The following KIRREL3 variants were observed in gnomAD, a reference collection of about 807,000 sequenced individuals.
The protein encoded by KIRREL3 is kirre like nephrin family adhesion molecule 3, also known as kin of IRRE-like protein 3.
In KIRREL3, 36 loss-of-function variants were observed where a neutral mutation model predicts 89.7. The observed-to-expected ratio is 0.40, with a 90% CI of 0.31 to 0.53. KIRREL3 has a LOEUF of 0.53. KIRREL3 is among the 20% of genes least tolerant of loss of function. KIRREL3 has a pLI of 0.49. For missense variants in KIRREL3, 864 were observed against 1,056.6 expected (o/e 0.82, Z 2.53); for synonymous variants, 445 against 441.4 (o/e 1.01, Z -0.10).
At chr11:126,714,440 C>A (rs145547813) in intron 1 of KIRREL3, among the ~76,000 whole-genome samples, 1 of 152,200 alleles carries the variant, frequency 6.6e-6, no homozygotes, top group Admixed American at 6.5e-5. Context: ...CTAATGCCTG[C>A]GATTCTCTGT....
rs185106672 is a variant in KIRREL3 at position 126,904,817 on chromosome 11, C to T, written c.55+95638G>A. On this transcript the variant is annotated intron_variant, in intron 1 of 16. Transcript: ENST00000525144. This position sits in a 1 kb window ranked among gnomAD's most constrained non-coding sequence, Gnocchi z 4.4. ...CTCTTTGCGTCTGTAAGCATCAATG[C>T]TATTCCTCAGAGACATTAAGATCCC... Among the ~76,000 whole-genome samples, 183 of 152,270 alleles carry T rather than the reference C, an allele frequency of 1.2e-3. No homozygotes were observed. The highest frequency in any genetic ancestry group is 2.1e-3 in the Non-Finnish European group (143 of 68,020).
At chr11:126,767,603 C>G (rs1949866521) in intron 1 of KIRREL3, among the ~76,000 whole-genome samples, 1 of 151,932 alleles carries the variant, frequency 6.6e-6, no homozygotes, top group Non-Finnish European at 1.5e-5. Flanking sequence ...ATATGTGAAG[C>G]ACCTTGCCCA....
Position 126,996,984 on chromosome 11 carries a change from C to A in KIRREL3, c.55+3471G>T, listed in dbSNP as rs79160952. On this transcript the variant is annotated intron_variant, in intron 1 of 16. Coordinates refer to ENST00000525144, the MANE Select transcript of KIRREL3 (RefSeq NM_032531.4). The surrounding 1 kb of genome is among the most constrained non-coding windows in gnomAD (Gnocchi z 4.7). ...AAGAGCGAGTGTCTGGAGTAGAAGGCGCCAAGTTCTTGCCACTGTGGCTCC... is the reference window on the plus strand; with the variant it reads ...AAGAGCGAGTGTCTGGAGTAGAAGGAGCCAAGTTCTTGCCACTGTGGCTCC... 3.4e-3 allele frequency among the ~76,000 whole-genome samples: 512 copies of A among 152,124 alleles called. 5 individuals carry two copies. Among genetic ancestry groups the A allele is most frequent in the African/African-American group, 0.012 (482 of 41,516 alleles).
intron 1 of KIRREL3, among the ~76,000 whole-genome samples, chr11:126,937,851 A>G (rs1948270633): frequency 6.6e-6 from 1 of 152,166 alleles, no homozygotes; most frequent in African/African-American, 2.4e-5. Flanking sequence ...GTGAGCAGGA[A>G]TTGCACCACT....
Position 126,783,898 on chromosome 11 carries a change from AG to A in KIRREL3, c.55+216556del, listed in dbSNP as rs1950402167. 6.6e-6 allele frequency among the ~76,000 whole-genome samples: 1 copy of A among 152,250 alleles called. No homozygotes were observed. Among genetic ancestry groups the A allele is most frequent in the Non-Finnish European group, 1.5e-5 (1 of 68,044 alleles). ...CCAGGTGAGCAAGGTTGGCAGCAAC[AG>A]TGATGTGCCATGTTGATAGCACACA... On this transcript the variant is annotated intron_variant, in intron 1 of 16. Transcript: ENST00000525144. The surrounding 1 kb of genome is among the most constrained non-coding windows in gnomAD (Gnocchi z 4.3).
chr11:126,438,823 C>T (rs540318301), intron 11 of KIRREL3, among the ~76,000 whole-genome samples: 43 of 152,298 alleles, frequency 2.8e-4, no homozygotes, highest in African/African-American at 1.0e-3. Context: ...TCTTAGTTAA[C>T]AGGATGACAG....
chr11:126,442,066 T>C (rs1734976784), intron 10 of KIRREL3, among the ~76,000 whole-genome samples: 1 of 145,106 alleles, frequency 6.9e-6, no homozygotes, highest in African/African-American at 2.6e-5. Flanking sequence ...AGGTCAGGAG[T>C]TCAAGACCAG....
intron 1 of KIRREL3, among the ~76,000 whole-genome samples, chr11:126,688,048 C>T (rs996460693): frequency 4.6e-5 from 7 of 152,240 alleles, no homozygotes; most frequent in South Asian, 2.1e-4. Context: ...TCTTTAGGAA[C>T]GACTCCTGCC....
intron 1 of KIRREL3, among the ~76,000 whole-genome samples, chr11:126,634,663 TACCTGCTGTGTGC>T (rs1944190237): frequency 6.6e-6 from 1 of 152,226 alleles, no homozygotes; most frequent in Non-Finnish European, 1.5e-5. Flanking sequence ...AGGTCCCTTG[TACCTGCTGTGTGC>T]ACCTGGCAAA....
Position 126,609,100 on chromosome 11 carries a change from T to A in KIRREL3, c.56-46188A>T, listed in dbSNP as rs1019042416. 7.9e-5 allele frequency among the ~76,000 whole-genome samples: 12 copies of A among 152,190 alleles called. No homozygotes were observed. Among genetic ancestry groups the A allele is most frequent in the Admixed American group, 6.5e-4 (10 of 15,286 alleles). ...CTGCCCACTCAACTCTGCATGGAAT[T>A]GTGCTGAATTGAGGAGCACTGCAGC... is the stretch of plus-strand genomic sequence containing the variant. On this transcript the variant is annotated intron_variant, in intron 1 of 16. Coordinates refer to ENST00000525144, the MANE Select transcript of KIRREL3 (RefSeq NM_032531.4). This position sits in a 1 kb window ranked among gnomAD's most constrained non-coding sequence, Gnocchi z 5.0.
At chr11:126,804,865 G>A (rs978723970) in intron 1 of KIRREL3, among the ~76,000 whole-genome samples, 4 of 152,114 alleles carry the variant, frequency 2.6e-5, no homozygotes, top group Non-Finnish European at 4.4e-5. Flanking sequence ...GTTTTCAAAG[G>A]CACCACTGAT....
chr11:126,963,368 A>G (rs1949157116), intron 1 of KIRREL3, among the ~76,000 whole-genome samples: 1 of 151,926 alleles, frequency 6.6e-6, no homozygotes, highest in East Asian at 1.9e-4. Flanking sequence ...CAGATTCTTG[A>G]AAGTTTGGAA....
chr11:126,690,946 G>A (rs534064637), intron 1 of KIRREL3, among the ~76,000 whole-genome samples: 2 of 152,236 alleles, frequency 1.3e-5, no homozygotes, highest in African/African-American at 4.8e-5. Flanking sequence ...AACTTGCCTT[G>A]GTTTCTAACT....
At chr11:126,727,141 C>T (rs1375878424) in intron 1 of KIRREL3, among the ~76,000 whole-genome samples, 4 of 152,224 alleles carry the variant, frequency 2.6e-5, no homozygotes, top group Admixed American at 1.3e-4. Context: ...AAAACCACTC[C>T]ATCCATGTTC....
chr11:126,789,307 C>T (rs1473023486), intron 1 of KIRREL3, among the ~76,000 whole-genome samples: 2 of 152,150 alleles, frequency 1.3e-5, no homozygotes, highest in African/African-American at 4.8e-5. Flanking sequence ...GACTCCCTCC[C>T]TCACTCAGTC....
rs1223282120 is a variant in KIRREL3 at position 126,562,131 on chromosome 11, G to A, written c.133+704C>T. ...GACAAATAGTCTGTGGCATCTGATG[G>A]AGAGGGTTATTAGCTGCATGGAGAC... is the stretch of plus-strand genomic sequence containing the variant. On this transcript the variant is annotated intron_variant, in intron 2 of 16. Transcript: ENST00000525144. This position sits in a 1 kb window ranked among gnomAD's most constrained non-coding sequence, Gnocchi z 4.7. 6.6e-6 allele frequency among the ~76,000 whole-genome samples: 1 copy of A among 152,202 alleles called. No homozygotes were observed. Among genetic ancestry groups the A allele is most frequent in the Non-Finnish European group, 1.5e-5 (1 of 68,036 alleles).
At chr11:126,493,451 C>T (rs34935237) in intron 4 of KIRREL3, among the ~76,000 whole-genome samples, 2,899 of 150,630 alleles carry the variant, frequency 0.019, 101 homozygotes, top group African/African-American at 0.067. Context: ...GTCAGGAGAT[C>T]GAGACCACCC....
chr11:126,780,595 G>A lies in KIRREL3; in HGVS notation c.56-217683C>T, dbSNP rs1950299274. The stretch of plus-strand genomic sequence containing the variant: ...CTCTTGACAGAACATCAAGCTTGGG[G>A]GATGTCCCATGCAAAGGTAAACGAG... On this transcript the variant is annotated intron_variant, in intron 1 of 16. Coordinates refer to ENST00000525144, the MANE Select transcript of KIRREL3 (RefSeq NM_032531.4). The surrounding 1 kb of genome is among the most constrained non-coding windows in gnomAD (Gnocchi z 5.3). Among the ~76,000 whole-genome samples the A allele has an allele frequency of 6.6e-6, 1 of 152,168 alleles. No homozygotes were observed. The highest frequency in any genetic ancestry group is 2.1e-4 in the South Asian group (1 of 4,820).
At chr11:126,648,434 G>A (rs1055162673) in intron 1 of KIRREL3, among the ~76,000 whole-genome samples, 1 of 152,114 alleles carries the variant, frequency 6.6e-6, no homozygotes, top group East Asian at 1.9e-4. Flanking sequence ...TCAAGACATT[G>A]CTCGGTGGCC....
Sources: gnomAD v4.1 joint callset for allele counts (sites outside exome capture counted in the v4.1 genomes callset) on GRCh38, gnomAD v4.1.1 for gene constraint, Gnocchi (gnomAD v3.1) non-coding constraint, MANE v1.5 for transcripts, NCBI Gene and HGNC (gene_info 2026-07-23, HGNC 2026-07-21) for gene names.